Variants in LRP1B observed in about 807,000 individuals in gnomAD.
LRP1B encodes the protein low-density lipoprotein receptor-related protein 1B.
A neutral mutation model predicts 556.6 loss-of-function variants in LRP1B; 217 were observed. That is an observed-to-expected ratio of 0.39 (90% confidence interval 0.35 to 0.44). The LOEUF (loss-of-function observed/expected upper bound fraction) is 0.44, where lower values mean the gene tolerates loss of function less well. LRP1B is among the 20% of genes least tolerant of loss of function. The pLI is 1.00. For synonymous variants in LRP1B, 2,047 were observed against 1,865.8 expected, an observed-to-expected ratio of 1.10 and a Z score of -2.50; for missense variants, 5,053 against 5,620.8, an observed-to-expected ratio of 0.90 and a Z score of 3.23.
Position 140,238,268 on chromosome 2 carries a change from T to C in LRP1B, c.13444A>G (p.Ile4482Val). The C allele has an allele frequency of 1.3e-6, 2 of 1,556,020 alleles. No homozygotes were observed. Among genetic ancestry groups the C allele is most frequent in the South Asian group, 1.1e-5 (1 of 89,348 alleles). The change falls in exon 89 of 91, where the codon ATC becomes GTC. Residue 4482 changes from isoleucine to valine, a missense_variant. By Grantham distance (29) the Ile-to-Val change is conservative. Around this residue, in one of 5 missense-constraint regions of LRP1B, gnomAD observed 551 missense variants for 592.0 expected, o/e 0.93. Coordinates refer to ENST00000389484, the MANE Select transcript of LRP1B (RefSeq NM_018557.3). ...RTKTIRRQPIINGGINVEIGN... is the reference protein window; with the variant it reads ...RTKTIRRQPIVNGGINVEIGN... ...ATTTCTACATTTATTCCTCCATTGA[T>C]AATAGGTTGTCTTCTAATTGTTTTT...
At chr2:141,119,755 T>C (rs567293009) in intron 7 of LRP1B, among the ~76,000 whole-genome samples, 82 of 151,790 alleles carry the variant, frequency 5.4e-4, no homozygotes, top group Non-Finnish European at 1.1e-3. Context: ...TGTGTGTTAA[T>C]TCAACTCAAC....
intron 35 of LRP1B, among the ~76,000 whole-genome samples, chr2:140,721,177 A>G (rs1387912187): frequency 2.0e-5 from 3 of 152,122 alleles, no homozygotes; most frequent in Non-Finnish European, 4.4e-5. Context: ...AGGGAATACA[A>G]TATCTCAATG....
At chr2:140,596,847 T>C (rs973876788) in intron 43 of LRP1B, among the ~76,000 whole-genome samples, 2 of 152,110 alleles carry the variant, frequency 1.3e-5, no homozygotes, top group African/African-American at 4.8e-5. Flanking sequence ...AATAATGCCT[T>C]CCACGGGGAG....
At chr2:141,726,670 A>G (rs1693049701) in intron 2 of LRP1B, among the ~76,000 whole-genome samples, 1 of 152,128 alleles carries the variant, frequency 6.6e-6, no homozygotes, top group African/African-American at 2.4e-5. Context: ...ATCAAAAGCA[A>G]TAAAGTCTGG....
intron 2 of LRP1B, among the ~76,000 whole-genome samples, chr2:141,490,186 G>C (rs1190255627): frequency 6.6e-6 from 1 of 152,012 alleles, no homozygotes. Flanking sequence ...CTAACATATA[G>C]AGCTTTATTT....
intron 32 of LRP1B, among the ~76,000 whole-genome samples, chr2:140,787,876 T>C (rs1413454695): frequency 6.6e-6 from 1 of 152,104 alleles, no homozygotes; most frequent in Non-Finnish European, 1.5e-5. Flanking sequence ...ACACTTGACC[T>C]AAAACATAAG....
intron 7 of LRP1B, among the ~76,000 whole-genome samples, chr2:141,177,228 G>A (rs1680777460): frequency 6.6e-6 from 1 of 152,056 alleles, no homozygotes; most frequent in African/African-American, 2.4e-5. Flanking sequence ...ACTACCTGGA[G>A]AAAAGCTGCC....
chr2:141,696,131 A>G (rs926895925), intron 2 of LRP1B, among the ~76,000 whole-genome samples: 1 of 151,942 alleles, frequency 6.6e-6, no homozygotes, highest in Non-Finnish European at 1.5e-5. Flanking sequence ...AACTTCACTA[A>G]TTTATTCTTC....
chr2:141,019,549 C>G (rs1292067062), intron 12 of LRP1B, among the ~76,000 whole-genome samples: 1 of 151,952 alleles, frequency 6.6e-6, no homozygotes, highest in Non-Finnish European at 1.5e-5. Flanking sequence ...ATGTATAAAA[C>G]TTTTGCTATT....
intron 3 of LRP1B, among the ~76,000 whole-genome samples, chr2:141,410,683 T>A (rs1690819457): frequency 6.6e-6 from 1 of 152,050 alleles, no homozygotes; most frequent in African/African-American, 2.4e-5. Context: ...TTTAAAAATT[T>A]GTCCTATATT....
rs919063266 is a variant in LRP1B at position 141,286,691 on chromosome 2, T to G, written c.344-32050A>C. 1.8e-4 allele frequency: 80 copies of G among 444,780 alleles called. No homozygotes were observed. The Middle Eastern group carries it at 7.0e-3, about 39-fold the overall frequency. 27.6% of individuals were successfully genotyped at this position (444,780 alleles called of 1,614,324 possible). ...AGATACAAGAATATTCAGATTTTAT[T>G]TCATCTGGAGTTAGTTTTGCTAAAT... On this transcript the variant is annotated intron_variant, in intron 3 of 90. Transcript: ENST00000389484.
At chr2:141,475,322 A>G (rs1682658751) in intron 3 of LRP1B, among the ~76,000 whole-genome samples, 2 of 152,174 alleles carry the variant, frequency 1.3e-5, no homozygotes, top group Non-Finnish European at 2.9e-5. Context: ...AGCTGAGATC[A>G]TGCCACTGCA....
intron 3 of LRP1B, among the ~76,000 whole-genome samples, chr2:141,455,223 C>CTATCTGAATA (rs1681585691): frequency 1.3e-5 from 2 of 151,380 alleles, no homozygotes; most frequent in African/African-American, 2.4e-5. Flanking sequence ...TGATGTCTAC[C>CTATCTGAATA]TATCTGAATA....
At chr2:141,240,167 G>C (rs1683810949) in intron 5 of LRP1B, among the ~76,000 whole-genome samples, 1 of 152,062 alleles carries the variant, frequency 6.6e-6, no homozygotes. Context: ...AGACTAAAAT[G>C]ATTTTAGGCA....
intron 1 of LRP1B, among the ~76,000 whole-genome samples, chr2:141,831,395 TAA>T (rs1333583254): frequency 6.6e-6 from 1 of 151,660 alleles, no homozygotes; most frequent in African/African-American, 2.4e-5. Flanking sequence ...TGTCTCCATT[TAA>T]AAGTCAGTTC....
chr2:141,506,463 T>C (rs533796334), intron 2 of LRP1B, among the ~76,000 whole-genome samples: 1 of 152,234 alleles, frequency 6.6e-6, no homozygotes, highest in East Asian at 1.9e-4. Flanking sequence ...TTAGAGTGGC[T>C]TATACGTGCA....
In LRP1B at chr2:142,106,964, T is replaced by C. The variant is rs572882656; in HGVS notation, c.82+23684A>G. ...ATATGTTATAAAAATAATTATAACATTATACATATTTAATATAAAGCTTCA... is the reference window on the plus strand; with the variant it reads ...ATATGTTATAAAAATAATTATAACACTATACATATTTAATATAAAGCTTCA... On this transcript the variant is annotated intron_variant, in intron 1 of 90. Coordinates refer to ENST00000389484, the MANE Select transcript of LRP1B (RefSeq NM_018557.3). Among the ~76,000 whole-genome samples, 4 of 152,210 alleles carry C rather than the reference T, an allele frequency of 2.6e-5. No homozygotes were observed. The South Asian group carries it at 8.3e-4, about 31-fold the overall frequency.
chr2:140,551,478 G>T (rs1680545916), intron 43 of LRP1B, among the ~76,000 whole-genome samples: 1 of 152,116 alleles, frequency 6.6e-6, no homozygotes, highest in Admixed American at 6.6e-5. Flanking sequence ...ATCTGAGAAG[G>T]ACACAGGCCT....
intron 43 of LRP1B, among the ~76,000 whole-genome samples, chr2:140,583,171 C>CTTTTCTTTTTTTTTTTTTT (rs1553491151): frequency 4.2e-5 from 2 of 48,024 alleles, no homozygotes; most frequent in African/African-American, 1.2e-4. Flanking sequence ...CCTTTTTTTT[C>CTTTTCTTTTTTTTTTTTTT]TTTTTTTTTT....
Sources: allele counts gnomAD v4.1 joint callset (sites outside exome capture counted in the v4.1 genomes callset), GRCh38; gene constraint gnomAD v4.1.1; regional missense constraint gnomAD v4.1.1; transcripts MANE v1.5; gene names NCBI Gene and HGNC (gene_info 2026-07-23, HGNC 2026-07-21).